The following ASCC2 variants were observed in gnomAD, a reference collection of about 807,000 sequenced individuals.
ASCC2 encodes ASC-1 complex subunit P100.
ASCC2 carries 42 observed loss-of-function variants against 93.5 expected under a neutral mutation model. The ratio of observed to expected loss-of-function variants is 0.45; its 90% CI spans 0.35 to 0.58. The LOEUF is 0.58. Ranked by LOEUF, ASCC2 falls within the 20% of genes least tolerant of loss-of-function variation. ASCC2 has a pLI of 0.00. For synonymous variants in ASCC2, 364 were observed against 384.2 expected (o/e 0.95, Z 0.62); for missense variants, 859 against 977.6 (o/e 0.88, Z 1.62).
intron 19 of ASCC2, 98 bp from the exon 20 acceptor site, chr22:29,789,282 A>C (rs1601752553): frequency 7.0e-7 from 1 of 1,425,632 alleles, no homozygotes; most frequent in East Asian, 2.3e-5. Context: ...GGGAGAGGAC[A>C]CAGACTGGGC....
Position 29,825,388 on chromosome 22 carries a change from A to G in ASCC2, c.241-131T>C, listed in dbSNP as rs2062167543. On this transcript the variant is annotated intron_variant, in intron 3 of 19. Coordinates refer to ENST00000307790, the MANE Select transcript of ASCC2 (RefSeq NM_032204.5). The surrounding 1 kb of genome is among the most constrained non-coding windows in gnomAD (Gnocchi z 4.9). ...ACACTCCGACCCCAAGGGACCAAGGAGGTATGAATGAGCCAAGGGCTAAAC... is the reference window on the plus strand; with the variant it reads ...ACACTCCGACCCCAAGGGACCAAGGGGGTATGAATGAGCCAAGGGCTAAAC... 28 of 1,260,114 alleles carry G rather than the reference A, an allele frequency of 2.2e-5. 1 individual carries two copies. In the South Asian group the frequency reaches 4.2e-4, roughly 19 times the overall value. The allele number at this position is 1,260,114 out of a possible 1,614,324, so 78.1% of individuals were successfully genotyped here.
chr22:29,790,808 G>T (rs1045314735), intron 18 of ASCC2, among the ~76,000 whole-genome samples: 1 of 152,196 alleles, frequency 6.6e-6, no homozygotes, highest in African/African-American at 2.4e-5. Flanking sequence ...CTGGTAGAGT[G>T]GATAGACCAT....
intron 15 of ASCC2, among the ~76,000 whole-genome samples, chr22:29,797,791 G>T (rs1233599857): frequency 6.6e-6 from 1 of 152,142 alleles, no homozygotes; most frequent in Non-Finnish European, 1.5e-5. Context: ...TTGAGACAGG[G>T]TTTCACTCTT....
intron 13 of ASCC2, among the ~76,000 whole-genome samples, chr22:29,804,261 G>A (rs895718851): frequency 6.6e-6 from 1 of 152,212 alleles, no homozygotes; most frequent in Non-Finnish European, 1.5e-5. Context: ...CTTCCAAGAA[G>A]GCCAAACCAT....
intron 7 of ASCC2, among the ~76,000 whole-genome samples, chr22:29,814,378 C>T (rs540028107): frequency 1.3e-5 from 2 of 152,376 alleles, no homozygotes; most frequent in South Asian, 2.1e-4. Flanking sequence ...CACAAGTGAA[C>T]ATGTCAAACT....
At chr22:29,804,351 T>G (rs1402844399) in intron 13 of ASCC2, among the ~76,000 whole-genome samples, 2 of 152,198 alleles carry the variant, frequency 1.3e-5, no homozygotes, top group African/African-American at 2.4e-5. Flanking sequence ...GAAGGGCTCA[T>G]GGAAACGTTC....
rs2058029768 is a variant in ASCC2 at position 29,793,438 on chromosome 22, T to A, written c.1841A>T (p.Asp614Val). The change falls in exon 17 of 20, where the codon GAT (aspartate) becomes GTT (valine). Residue 614 changes from aspartate to valine, a missense_variant. Asp to Val is a radical substitution (Grantham distance 152, BLOSUM62 -3). Transcript: ENST00000307790. ...GCCATCGTATGTGTCATCGTACTCA[T>A]CCTCGTAGTAGACACTGTGGTAGGG... ...SLPYHSVYYEDEYDDTYDGNQ... is the reference protein window; with the variant it reads ...SLPYHSVYYEVEYDDTYDGNQ... The A allele has an allele frequency of 6.2e-7, 1 of 1,614,018 alleles. No homozygotes were observed. Among genetic ancestry groups the A allele is most frequent in the Non-Finnish European group, 8.5e-7 (1 of 1,180,030 alleles).
intron 1 of ASCC2, 127 bp from the exon 2 acceptor site, chr22:29,832,469 G>T: frequency 1.4e-6 from 1 of 707,728 alleles, no homozygotes; most frequent in Non-Finnish European, 2.3e-6. Flanking sequence ...CTCCTGTTGT[G>T]GTTCAGGACC....
chr22:29,813,080 C>T (rs1007454612), intron 8 of ASCC2, among the ~76,000 whole-genome samples: 6 of 152,092 alleles, frequency 3.9e-5, no homozygotes, highest in South Asian at 2.1e-4. Context: ...GGGGTGTCAC[C>T]ATATTGGTCA....
intron 19 of ASCC2, among the ~76,000 whole-genome samples, chr22:29,789,884 T>A (rs924172903): frequency 1.2e-4 from 18 of 152,170 alleles, no homozygotes; most frequent in Non-Finnish European, 2.2e-4. Flanking sequence ...CCTCTCAATG[T>A]TTCCTCACTG....
chr22:29,788,977 G>A lies in ASCC2; in HGVS notation c.*36C>T. The A allele has an allele frequency of 6.2e-7, 1 of 1,613,296 alleles. No individual in the cohort carries two copies. The highest frequency in any genetic ancestry group is 8.5e-7 in the Non-Finnish European group (1 of 1,179,324). The stretch of plus-strand genomic sequence containing the variant: ...GATGGGAGCACGGCCTGGTGAGTCT[G>A]GTGCCGCTGCCTCCCCACTGGCCCT... On this transcript the variant is annotated 3_prime_UTR_variant, in exon 20 of 20. Coordinates refer to ENST00000307790, the MANE Select transcript of ASCC2 (RefSeq NM_032204.5).
At chr22:29,836,789 G>A (rs1035010415) in intron 1 of ASCC2, among the ~76,000 whole-genome samples, 62 of 152,268 alleles carry the variant, frequency 4.1e-4, no homozygotes, top group African/African-American at 1.4e-3. Flanking sequence ...CTGACCTCAG[G>A]TGATCCGCCC....
At chr22:29,809,320 A>C (rs976322860) in intron 8 of ASCC2, among the ~76,000 whole-genome samples, 1 of 152,098 alleles carries the variant, frequency 6.6e-6, no homozygotes. Flanking sequence ...TTATGAGTTA[A>C]GCCAGTTAGC....
rs141395545 is a variant in ASCC2 at position 29,828,057 on chromosome 22, G to A, written c.82-2277C>T. ...AATCACCAAGTGAGCACAAAACAAAGGAAGTGACAGCTCAAACCTGGCAGA... is the reference window on the plus strand; with the variant it reads ...AATCACCAAGTGAGCACAAAACAAAAGAAGTGACAGCTCAAACCTGGCAGA... On this transcript the variant is annotated intron_variant, in intron 2 of 19. Coordinates refer to ENST00000307790, the MANE Select transcript of ASCC2 (RefSeq NM_032204.5). Among the ~76,000 whole-genome samples, 33 of 152,248 alleles carry A rather than the reference G, an allele frequency of 2.2e-4. 1 individual carries two copies. Among genetic ancestry groups the A allele is most frequent in the African/African-American group, 7.7e-4 (32 of 41,524 alleles).
intron 18 of ASCC2, among the ~76,000 whole-genome samples, chr22:29,790,955 A>G (rs2057663770): frequency 1.3e-5 from 2 of 152,178 alleles, no homozygotes; most frequent in Admixed American, 6.5e-5. Context: ...CCTAGGCCTC[A>G]CTGTGGCACC....
chr22:29,827,974 CACACA>C lies in ASCC2; in HGVS notation c.82-2199_82-2195del, dbSNP rs1602233348. 6.6e-5 allele frequency among the ~76,000 whole-genome samples: 10 copies of C among 151,750 alleles called. 2 individuals carry two copies. In the East Asian group the frequency reaches 1.2e-3, roughly 18 times the overall value. ...ACACACACACACACACACACACACA[CACACA>C]CCCCTGAGATTCTACTTTCCCTACA... On this transcript the variant is annotated intron_variant, in intron 2 of 19. Coordinates refer to ENST00000307790, the MANE Select transcript of ASCC2 (RefSeq NM_032204.5).
At chr22:29,815,508 CTG>C (rs1167817091) in intron 6 of ASCC2, among the ~76,000 whole-genome samples, 2 of 152,036 alleles carry the variant, frequency 1.3e-5, no homozygotes, top group Non-Finnish European at 2.9e-5. Context: ...ACTGAACTGA[CTG>C]TGCCATTTTA....
chr22:29,814,660 G>A lies in ASCC2; in HGVS notation c.717C>T (p.Leu239=). The A allele has an allele frequency of 1.3e-6, 2 of 1,597,582 alleles. No homozygotes were observed. Among genetic ancestry groups the A allele is most frequent in the Non-Finnish European group, 1.7e-6 (2 of 1,173,630 alleles). The part of the protein sequence containing the change: ...RGRLTPSDMP[L]LELKDIVLYL... ...CTGGGCCGAAGGGCAACCTTACCAG[G>A]AGAGGCATGTCACTGGGGGTCAATC... The change falls in exon 7 of 20, where the codon CTC becomes CTT. Residue 239 remains leucine (L), a synonymous_variant. Transcript: ENST00000307790.
intron 12 of ASCC2, 135 bp from the exon 13 acceptor site, chr22:29,804,965 C>A (rs765826480): frequency 2.3e-6 from 2 of 888,454 alleles, no homozygotes; most frequent in South Asian, 1.6e-5. Flanking sequence ...GTATAGCCCA[C>A]GGGCACCTGG....
Sources: gnomAD v4.1 joint callset for allele counts (sites outside exome capture counted in the v4.1 genomes callset) on GRCh38, gnomAD v4.1.1 for gene constraint, Gnocchi (gnomAD v3.1) non-coding constraint, MANE v1.5 for transcripts, NCBI Gene and HGNC (gene_info 2026-07-23, HGNC 2026-07-21) for gene names.